ADGRL3: variants seen among roughly 807,000 people sequenced by gnomAD.
ADGRL3 encodes adhesion G protein-coupled receptor L3, also known as calcium-independent alpha-latrotoxin receptor 3.
A neutral mutation model predicts 153.5 loss-of-function variants in ADGRL3; 62 were observed. The ratio of observed to expected loss-of-function variants is 0.40; its 90% CI spans 0.33 to 0.50. ADGRL3 has a LOEUF of 0.50. Among genes scored for constraint, ADGRL3 ranks in the 20% least tolerant of loss-of-function variants. ADGRL3 has a pLI of 0.47. For synonymous variants in ADGRL3, 710 were observed against 672.5 expected, an observed-to-expected ratio of 1.06 and a Z score of -0.86; for missense variants, 1,641 against 1,859.4, an observed-to-expected ratio of 0.88 and a Z score of 2.16.
At chr4:61,383,814 T>C (rs1015000017) in intron 2 of ADGRL3, among the ~76,000 whole-genome samples, 2 of 151,854 alleles carry the variant, frequency 1.3e-5, no homozygotes, top group Admixed American at 1.3e-4. Context: ...CATATTTACA[T>C]CTTCCCCAGA....
intron 1 of ADGRL3, among the ~76,000 whole-genome samples, chr4:61,222,316 C>G (rs1197170920): frequency 6.6e-6 from 1 of 151,842 alleles, no homozygotes; most frequent in Non-Finnish European, 1.5e-5. Context: ...TATTTTAATT[C>G]ATAATTGTAC....
At chr4:61,936,781 T>TACAC (rs71666904) in intron 15 of ADGRL3, among the ~76,000 whole-genome samples, 7,052 of 138,762 alleles carry the variant, frequency 0.051, 244 homozygotes, top group South Asian at 0.15. Flanking sequence ...TACATATGCA[T>TACAC]ACACACACAC....
chr4:61,888,204 A>G (rs374850126), intron 9 of ADGRL3, among the ~76,000 whole-genome samples: 1 of 152,368 alleles, frequency 6.6e-6, no homozygotes, highest in African/African-American at 2.4e-5. Flanking sequence ...GGAAAATTGC[A>G]AAATTTTAAT....
chr4:61,457,650 T>C (rs972420523), intron 2 of ADGRL3, among the ~76,000 whole-genome samples: 2 of 151,972 alleles, frequency 1.3e-5, no homozygotes, highest in Admixed American at 1.3e-4. Context: ...ATTCAGTATA[T>C]TATTCTACAA....
chr4:61,286,884 T>G (rs180720718), intron 1 of ADGRL3, among the ~76,000 whole-genome samples: 46 of 151,936 alleles, frequency 3.0e-4, no homozygotes, highest in African/African-American at 1.1e-3. Flanking sequence ...GGTCACTAGT[T>G]GTATATACAT....
At chr4:61,277,228 A>T (rs938419775) in intron 1 of ADGRL3, among the ~76,000 whole-genome samples, 2 of 152,100 alleles carry the variant, frequency 1.3e-5, no homozygotes, top group African/African-American at 4.8e-5. Flanking sequence ...TTGAGCCTCA[A>T]GTTCTACATT....
In ADGRL3 at chr4:61,570,349, C is replaced by T. The variant is rs140676920; in HGVS notation, c.260-16878C>T. 2.5e-3 allele frequency among the ~76,000 whole-genome samples: 382 copies of T among 152,214 alleles called. 3 individuals carry two copies. Among genetic ancestry groups the T allele is most frequent in the Non-Finnish European group, 4.6e-3 (314 of 67,996 alleles). ...TTTCCTCAAATCTTTCAGGGTATTA[C>T]TCTCTTTCTATTTTCAATACTAACA... is the stretch of plus-strand genomic sequence containing the variant. On this transcript the variant is annotated intron_variant, in intron 4 of 26. Coordinates refer to ENST00000683033, the MANE Select transcript of ADGRL3 (RefSeq NM_001387552.1).
At chr4:61,568,828 C>A (rs907984608) in intron 4 of ADGRL3, among the ~76,000 whole-genome samples, 1 of 151,962 alleles carries the variant, frequency 6.6e-6, no homozygotes, top group Non-Finnish European at 1.5e-5. Context: ...ATGATTCCTT[C>A]TTCTATGTCT....
chr4:62,009,353 A>C (rs2099173502), intron 21 of ADGRL3, among the ~76,000 whole-genome samples: 1 of 152,110 alleles, frequency 6.6e-6, no homozygotes, highest in African/African-American at 2.4e-5. Context: ...TAAGGCACAC[A>C]TTTTGATACC....
rs368011389 is a variant in ADGRL3, at chr4:61,858,536, G to A, written c.1481-34120G>A. On this transcript the variant is annotated intron_variant, in intron 9 of 26. Transcript: ENST00000683033. ...CTCAGGAGGCTAAAGCAGGAGAATCGCTTGAACCTGGGAGGCAGAGGTTTC... is the reference window on the plus strand; with the variant it reads ...CTCAGGAGGCTAAAGCAGGAGAATCACTTGAACCTGGGAGGCAGAGGTTTC... 7.9e-5 allele frequency among the ~76,000 whole-genome samples: 12 copies of A among 152,280 alleles called. No homozygotes were observed. In the East Asian group the frequency reaches 1.7e-3, roughly 22 times the overall value.
At chr4:61,660,476 C>A (rs1391325) in intron 5 of ADGRL3, among the ~76,000 whole-genome samples, 151,184 of 152,264 alleles carry the variant, frequency 0.99, 75,070 homozygotes, top group Middle Eastern at 1. Flanking sequence ...TTAAATGAAT[C>A]GATTTTTATT....
intron 9 of ADGRL3, among the ~76,000 whole-genome samples, chr4:61,868,556 C>T (rs2098416812): frequency 6.6e-6 from 1 of 152,188 alleles, no homozygotes. Context: ...ACCTTTTTCA[C>T]TACCACTGTC....
chr4:62,015,467 A>G (rs1471008629), intron 21 of ADGRL3, among the ~76,000 whole-genome samples: 1 of 152,224 alleles, frequency 6.6e-6, no homozygotes, highest in Non-Finnish European at 1.5e-5. Flanking sequence ...TTATTAGCAC[A>G]AGTATTGACA....
chr4:61,502,044 A>T (rs925868223), intron 3 of ADGRL3, among the ~76,000 whole-genome samples: 1 of 152,188 alleles, frequency 6.6e-6, no homozygotes, highest in Non-Finnish European at 1.5e-5. Flanking sequence ...TTTGCTCTGT[A>T]CTACTGTAGT....
intron 17 of ADGRL3, among the ~76,000 whole-genome samples, chr4:61,961,176 T>A (rs2150489695): frequency 6.6e-6 from 1 of 152,224 alleles, no homozygotes; most frequent in South Asian, 2.1e-4. Context: ...TTGTAAGAGT[T>A]GGTTAAATTT....
At chr4:61,381,978 T>C (rs1245969387) in intron 1 of ADGRL3, among the ~76,000 whole-genome samples, 4 of 151,944 alleles carry the variant, frequency 2.6e-5, no homozygotes, top group Admixed American at 2.6e-4. Flanking sequence ...ATTTTTTAAG[T>C]TCCTGAACAA....
chr4:61,335,561 T>C (rs1017481642), intron 1 of ADGRL3, among the ~76,000 whole-genome samples: 12 of 152,096 alleles, frequency 7.9e-5, no homozygotes, highest in African/African-American at 2.9e-4. Context: ...TTTTTAAGAG[T>C]AGAATGTCAG....
At position 61,909,761 on chromosome 4, in the gene ADGRL3, ATGTGTGTGTGTGTGTGTG is replaced by A. The variant is rs58884223; in HGVS notation, c.2073+40_2073+57del. The A allele has an allele frequency of 1.2e-5, 14 of 1,196,322 alleles. No homozygotes were observed. Among genetic ancestry groups the A allele is most frequent in the African/African-American group, 8.0e-5 (5 of 62,350 alleles). The allele number at this position is 1,196,322 out of a possible 1,614,324, so 74.1% of individuals were successfully genotyped here. A position where few individuals can be genotyped will look rare whatever the true frequency, so the allele number is the denominator to read the frequency against. ...TTTGAACAAGGTAAGGACCCTAATT[ATGTGTGTGTGTGTGTGTG>A]TGTGTGTGTGTGTGTGTGTGTGTCT... On this transcript the variant is annotated intron_variant, in intron 12 of 26. Coordinates refer to ENST00000683033, the MANE Select transcript of ADGRL3 (RefSeq NM_001387552.1).
intron 14 of ADGRL3, 144 bp downstream of exon 14, chr4:61,935,167 CAT>C: frequency 1.5e-6 from 1 of 659,396 alleles, no homozygotes; most frequent in Non-Finnish European, 2.5e-6. Flanking sequence ...ATAAAGAGGG[CAT>C]CACTTGTCAT....
Sources: allele counts gnomAD v4.1 joint callset (sites outside exome capture counted in the v4.1 genomes callset), GRCh38; gene constraint gnomAD v4.1.1; transcripts MANE v1.5; gene names NCBI Gene and HGNC (gene_info 2026-07-23, HGNC 2026-07-21).